TENM2: variants seen among roughly 807,000 people sequenced by gnomAD.
TENM2 encodes teneurin transmembrane protein 2.
In TENM2, 52 loss-of-function variants were observed where a neutral mutation model predicts 245.2. The ratio of observed to expected loss-of-function variants is 0.21; its 90% CI spans 0.17 to 0.27. The LOEUF is 0.27. TENM2 is among the 10% of genes least tolerant of loss of function. TENM2 has a pLI of 1.00. For synonymous variants in TENM2, 1,363 were observed against 1,438.9 expected, an observed-to-expected ratio of 0.95 and a Z score of 1.19; for missense variants, 3,046 against 3,666.8, an observed-to-expected ratio of 0.83 and a Z score of 4.37.
chr5:167,446,043 C>A (rs1470493116), intron 2 of TENM2, among the ~76,000 whole-genome samples: 1 of 152,020 alleles, frequency 6.6e-6, no homozygotes, highest in Non-Finnish European at 1.5e-5. Context: ...ATAAGCTGGG[C>A]AATGGGAGGG....
the TENM2 span, among the ~76,000 whole-genome samples, chr5:167,074,791 T>C: frequency 2.6e-5 from 4 of 152,122 alleles, no homozygotes; most frequent in Non-Finnish European, 4.4e-5. Context: ...GTTAGGATTG[T>C]ATTGTGCTTT....
At chr5:168,136,229 C>T (rs946687550) in intron 12 of TENM2, among the ~76,000 whole-genome samples, 4 of 152,158 alleles carry the variant, frequency 2.6e-5, no homozygotes, top group South Asian at 2.1e-4. Context: ...CTAAGCCCTA[C>T]GAGTGTGTCC....
At chr5:168,255,097 C>G (rs1232829634) in intron 27 of TENM2, among the ~76,000 whole-genome samples, 1 of 151,886 alleles carries the variant, frequency 6.6e-6, no homozygotes, top group Non-Finnish European at 1.5e-5. Context: ...AAGGACTTCT[C>G]TTGCTTTTCT....
intron 2 of TENM2, among the ~76,000 whole-genome samples, chr5:167,841,742 C>T (rs1769535353): frequency 3.3e-5 from 5 of 152,162 alleles, no homozygotes; most frequent in Admixed American, 2.6e-4. Flanking sequence ...CCTTCATAGA[C>T]CTTTTTTTCT....
At chr5:167,552,264 T>G (rs1160703712) in intron 2 of TENM2, among the ~76,000 whole-genome samples, 1 of 152,154 alleles carries the variant, frequency 6.6e-6, no homozygotes, top group Non-Finnish European at 1.5e-5. Flanking sequence ...ATAAATATAC[T>G]CAGGTGCACG....
chr5:167,869,645 C>T (rs1772640266), intron 2 of TENM2, among the ~76,000 whole-genome samples: 1 of 152,224 alleles, frequency 6.6e-6, no homozygotes, highest in Non-Finnish European at 1.5e-5. Context: ...GGGCACCTCG[C>T]AGCTTCTGCA....
At chr5:167,762,144 C>G (rs1762716692) in intron 2 of TENM2, among the ~76,000 whole-genome samples, 1 of 152,178 alleles carries the variant, frequency 6.6e-6, no homozygotes, top group African/African-American at 2.4e-5. Flanking sequence ...TCCTCTCTCT[C>G]TCTCTCATGC....
chr5:168,154,533 C>G (rs1285743516), intron 12 of TENM2, among the ~76,000 whole-genome samples: 1 of 152,184 alleles, frequency 6.6e-6, no homozygotes, highest in Non-Finnish European at 1.5e-5. Flanking sequence ...CCCCTTTCTC[C>G]TCTTTATTCA....
At chr5:167,255,444 T>C in the TENM2 span, among the ~76,000 whole-genome samples, 1 of 152,188 alleles carries the variant, frequency 6.6e-6, no homozygotes, top group Non-Finnish European at 1.5e-5. Context: ...ATGCTCCCCA[T>C]GTAAAAGCAC....
chr5:167,325,893 C>T (rs1757047112), intron 1 of TENM2, among the ~76,000 whole-genome samples: 1 of 152,034 alleles, frequency 6.6e-6, no homozygotes, highest in Non-Finnish European at 1.5e-5. Context: ...AAGATAATTT[C>T]AGTTAATGGT....
intron 25 of TENM2, among the ~76,000 whole-genome samples, chr5:168,228,679 C>CCTTTT (rs1161340839): frequency 1.3e-5 from 2 of 152,026 alleles, no homozygotes. Context: ...GAGGTACATG[C>CCTTTT]AGGGTCTGAT....
chr5:168,011,811 G>T (rs1291947744), intron 5 of TENM2, among the ~76,000 whole-genome samples: 1 of 152,162 alleles, frequency 6.6e-6, no homozygotes, highest in African/African-American at 2.4e-5. Context: ...TGACTTGCTG[G>T]TTTTTCTCTG....
At chr5:167,475,607 C>T (rs1383491578) in intron 2 of TENM2, among the ~76,000 whole-genome samples, 1 of 152,094 alleles carries the variant, frequency 6.6e-6, no homozygotes, top group African/African-American at 2.4e-5. Flanking sequence ...TTAAGCCCCG[C>T]ATGCATTAGG....
At chr5:168,033,128 C>CA (rs1283154879) in intron 5 of TENM2, 1 of 152,006 alleles carries the variant, frequency 6.6e-6, no homozygotes. Context: ...TCATGGGTTG[C>CA]AAAAGAGGAT....
In TENM2 at chr5:167,566,748, G is replaced by A. The variant is rs967498625; in HGVS notation, c.502+191275G>A. On this transcript the variant is annotated intron_variant, in intron 2 of 28. Coordinates refer to ENST00000518659, the Ensembl canonical transcript of TENM2. ...TGTATTCAACTCAATGGAGAGGAAC[G>A]TAAATTCTTACTTAGAGTTTCATTG... is the stretch of plus-strand genomic sequence containing the variant. 1.5e-4 allele frequency among the ~76,000 whole-genome samples: 23 copies of A among 152,172 alleles called. 1 individual carries two copies. Among genetic ancestry groups the A allele is most frequent in the East Asian group, 1.9e-4 (1 of 5,202 alleles).
chr5:168,236,998 A>T (rs1486328437), intron 25 of TENM2, among the ~76,000 whole-genome samples: 725 of 3,256 alleles, frequency 0.22, 134 homozygotes, highest in East Asian at 0.37. Flanking sequence ...ATATATATAT[A>T]TATTTTTTTT....
chr5:167,849,799 A>G (rs899540494), intron 2 of TENM2, among the ~76,000 whole-genome samples: 2 of 152,222 alleles, frequency 1.3e-5, no homozygotes, highest in Admixed American at 6.5e-5. Flanking sequence ...TTTACAAAGG[A>G]CACAGATGAA....
chr5:167,705,157 A>G (rs1283850398), intron 2 of TENM2, among the ~76,000 whole-genome samples: 1 of 152,208 alleles, frequency 6.6e-6, no homozygotes, highest in East Asian at 1.9e-4. Context: ...GGAACTTTTT[A>G]TGGTAAATAT....
intron 1 of TENM2, among the ~76,000 whole-genome samples, chr5:167,316,832 G>T (rs566034854): frequency 6.6e-6 from 1 of 152,270 alleles, no homozygotes; most frequent in African/African-American, 2.4e-5. Flanking sequence ...ATTACAGTTA[G>T]AATCTGGTAC....
Sources: gnomAD v4.1 joint callset for allele counts (sites outside exome capture counted in the v4.1 genomes callset) on GRCh38, gnomAD v4.1.1 for gene constraint, MANE v1.5 for transcripts, NCBI Gene and HGNC (gene_info 2026-07-23, HGNC 2026-07-21) for gene names.